Variants in TPCN1 observed in about 807,000 individuals in gnomAD.
TPCN1 encodes the protein two pore segment channel 1.
In TPCN1, 52 loss-of-function variants were observed where a neutral mutation model predicts 108.8. That is an observed-to-expected ratio of 0.48 (90% CI 0.38 to 0.60). TPCN1 has a LOEUF of 0.60. Among genes scored for constraint, TPCN1 ranks in the 20% least tolerant of loss-of-function variants. TPCN1 has a pLI of 0.00. For synonymous variants in TPCN1, 446 were observed against 433.7 expected, an observed-to-expected ratio of 1.03 and a Z score of -0.35; for missense variants, 806 against 1,072.8, an observed-to-expected ratio of 0.75 and a Z score of 3.47.
chr12:113,291,729 G>A, intron 24 of TPCN1, 52 bp downstream of exon 24: 1 of 1,593,484 alleles, frequency 6.3e-7, no homozygotes, highest in Non-Finnish European at 8.6e-7. Context: ...CACATCACCA[G>A]CTGCCCCTGC....
In TPCN1 at chr12:113,288,519, C is replaced by A; in HGVS notation, c.1707-239C>A. 1 of 1,494,124 alleles carries A rather than the reference C, an allele frequency of 6.7e-7. No homozygotes were observed. The highest frequency in any genetic ancestry group is 2.2e-5 in the Admixed American group (1 of 45,568). The allele number at this position is 1,494,124 out of a possible 1,614,324, so 92.6% of individuals were successfully genotyped here. ...GGTAAGGGGTCACCTGTGAGTCTAC[C>A]TTCACAGGTAAGGGGTGAATCTCTG... On this transcript the variant is annotated intron_variant, in intron 20 of 27. Transcript: ENST00000335509. This position sits in a 1 kb window ranked among gnomAD's most constrained non-coding sequence, Gnocchi z 4.8.
chr12:113,296,330 A>G lies in TPCN1; in HGVS notation c.*254A>G, dbSNP rs1233484129. 8.3e-6 allele frequency: 4 copies of G among 483,032 alleles called. No individual in the cohort carries two copies. The highest frequency in any genetic ancestry group is 1.5e-5 in the Non-Finnish European group (4 of 274,610). The allele number at this position is 483,032 out of a possible 1,614,324, so 29.9% of individuals were successfully genotyped here. A position where few individuals can be genotyped will look rare whatever the true frequency, so the allele number is the denominator to read the frequency against. ...CTCTTCCTACTGTGGAAGGCTCCAG[A>G]AGGCCCTTCACAAGGAGACCCCTCA... On this transcript the variant is annotated 3_prime_UTR_variant, in exon 28 of 28. Transcript: ENST00000335509.
chr12:113,259,312 T>C lies in TPCN1; in HGVS notation c.113-1056T>C, dbSNP rs138463478. On this transcript the variant is annotated intron_variant, in intron 2 of 27. Transcript: ENST00000335509. ...GATTCTTTATCTTCCTTCGGGTGGATCATTTACAATGCAGATTTACAGATT... is the reference window on the plus strand; with the variant it reads ...GATTCTTTATCTTCCTTCGGGTGGACCATTTACAATGCAGATTTACAGATT... 5.3e-3 allele frequency among the ~76,000 whole-genome samples: 802 copies of C among 152,318 alleles called. 9 individuals are homozygous for C. Among genetic ancestry groups the C allele is most frequent in the African/African-American group, 0.018 (757 of 41,582 alleles).
At chr12:113,245,414 G>A (rs1408043540) in intron 2 of TPCN1, among the ~76,000 whole-genome samples, 3 of 125,782 alleles carry the variant, frequency 2.4e-5, no homozygotes, top group South Asian at 4.8e-4. Context: ...TGGCTAACAC[G>A]GTGAAACCCC....
In TPCN1 at chr12:113,266,412, C is replaced by A; in HGVS notation, c.414+56C>A. The A allele has an allele frequency of 1.1e-5, 17 of 1,580,096 alleles. No homozygotes were observed. The highest frequency in any genetic ancestry group is 1.4e-5 in the Non-Finnish European group (16 of 1,166,526). On this transcript the variant is annotated intron_variant, in intron 4 of 27. Transcript: ENST00000335509. The surrounding 1 kb of genome is among the most constrained non-coding windows in gnomAD (Gnocchi z 4.2). The stretch of plus-strand genomic sequence containing the variant: ...TGGGAGCCACGGCTTTCAGGGCAAG[C>A]GATGGAACTCCAAAAAGGAACATTC...
At position 113,268,888 on chromosome 12, in the gene TPCN1, G is replaced by A. The variant is rs1404137578; in HGVS notation, c.659+16G>A. 13 of 1,613,290 alleles carry A rather than the reference G, an allele frequency of 8.1e-6. No individual in the cohort carries two copies. In the Admixed American group the frequency reaches 1.7e-4, roughly 21 times the overall value. On this transcript the variant is annotated intron_variant, in intron 6 of 27. Coordinates refer to ENST00000335509, the MANE Select transcript of TPCN1 (RefSeq NM_017901.6). This position sits in a 1 kb window ranked among gnomAD's most constrained non-coding sequence, Gnocchi z 7.3. ...GCGTCCGGCGGTAAGGCCCGGGTGGGGAGCTGGGCAGTCACTATCCTGGCA... is the reference window on the plus strand; with the variant it reads ...GCGTCCGGCGGTAAGGCCCGGGTGGAGAGCTGGGCAGTCACTATCCTGGCA...
chr12:113,291,491 C>G, intron 23 of TPCN1, 118 bp from the exon 24 acceptor site: 1 of 862,090 alleles, frequency 1.2e-6, no homozygotes, highest in Non-Finnish European at 1.8e-6. Context: ...CCATCTCTCA[C>G]AACCAGCCAC....
At chr12:113,245,474 G>A (rs1175249290) in intron 2 of TPCN1, among the ~76,000 whole-genome samples, 11 of 146,294 alleles carry the variant, frequency 7.5e-5, no homozygotes, top group African/African-American at 2.1e-4. Context: ...GGTAGCGGGC[G>A]CCTGTAGTCC....
At chr12:113,275,907 A>G (rs183532870) in intron 10 of TPCN1, among the ~76,000 whole-genome samples, 80 of 152,362 alleles carry the variant, frequency 5.3e-4, no homozygotes, top group African/African-American at 1.4e-3. Context: ...CTCAAAACCA[A>G]GAAGAAATAT....
chr12:113,225,153 C>T, intron 1 of TPCN1: 1 of 419,642 alleles, frequency 2.4e-6, no homozygotes, highest in South Asian at 1.7e-5. Flanking sequence ...CTCCTGGGAT[C>T]AAGTGTTTCC....
rs1955411639 is a variant in TPCN1, at chr12:113,269,586, G to T, written c.660-171G>T. The stretch of plus-strand genomic sequence containing the variant: ...CCCTAGTTCTTCCCTGCCATCCGCT[G>T]AGTGGGGGTCTCAAGCCACTTTAGG... On this transcript the variant is annotated intron_variant, in intron 6 of 27. Coordinates refer to ENST00000335509, the MANE Select transcript of TPCN1 (RefSeq NM_017901.6). The surrounding 1 kb of genome is among the most constrained non-coding windows in gnomAD (Gnocchi z 5.0). 6.6e-6 allele frequency among the ~76,000 whole-genome samples: 1 copy of T among 152,162 alleles called. No homozygotes were observed. Among genetic ancestry groups the T allele is most frequent in the Admixed American group, 6.5e-5 (1 of 15,270 alleles).
chr12:113,245,957 C>T (rs774189076), intron 2 of TPCN1: 3 of 456,074 alleles, frequency 6.6e-6, no homozygotes, highest in South Asian at 4.6e-5. Flanking sequence ...CCTTGGATTC[C>T]CTGCAGGGTC....
At position 113,273,507 on chromosome 12, in the gene TPCN1, T is replaced by C. The variant is rs1310578612; in HGVS notation, c.843-62T>C. The C allele has an allele frequency of 2.2e-6, 3 of 1,385,680 alleles. No homozygotes were observed. Among genetic ancestry groups the C allele is most frequent in the Non-Finnish European group, 3.1e-6 (3 of 972,260 alleles). The allele number at this position is 1,385,680 out of a possible 1,614,324, so 85.8% of individuals were successfully genotyped here. A position where few individuals can be genotyped will look rare whatever the true frequency, so the allele number is the denominator to read the frequency against. On this transcript the variant is annotated intron_variant, in intron 9 of 27. Transcript: ENST00000335509. This position sits in a 1 kb window ranked among gnomAD's most constrained non-coding sequence, Gnocchi z 4.0. ...ACAAGGAGCTGTCCTCTGCAAGGCA[T>C]GTGCTCTGAGAGGATGGAGACAGGC...
intron 3 of TPCN1, among the ~76,000 whole-genome samples, chr12:113,265,283 C>G (rs1399140205): frequency 1.3e-5 from 2 of 152,212 alleles, no homozygotes; most frequent in Non-Finnish European, 2.9e-5. Context: ...ATGTCCTCAC[C>G]TTTCCTCTTC....
Position 113,268,658 on chromosome 12 carries a change from T to G in TPCN1, c.529-84T>G. ...GGCCTCCCGAGGCCAGAGTGGGCAC[T>G]GCCTCTCCAGCCCCCCGTTCCAGGT... On this transcript the variant is annotated intron_variant, in intron 5 of 27. Coordinates refer to ENST00000335509, the MANE Select transcript of TPCN1 (RefSeq NM_017901.6). The surrounding 1 kb of genome is among the most constrained non-coding windows in gnomAD (Gnocchi z 7.3). 2 of 1,553,670 alleles carry G rather than the reference T, an allele frequency of 1.3e-6. No individual in the cohort carries two copies. The highest frequency in any genetic ancestry group is 1.7e-6 in the Non-Finnish European group (2 of 1,145,050).
At chr12:113,249,326 A>G (rs899496201) in intron 2 of TPCN1, 1 of 152,244 alleles carries the variant, frequency 6.6e-6, no homozygotes, top group African/African-American at 2.4e-5. Flanking sequence ...GGCGTACCGC[A>G]CGGCAGACAG....
chr12:113,279,513 C>G (rs1211696245), intron 14 of TPCN1, among the ~76,000 whole-genome samples: 1 of 147,844 alleles, frequency 6.8e-6, no homozygotes, highest in Non-Finnish European at 1.5e-5. Context: ...ATTCTCCTGC[C>G]TCAGCCTCCC....
At chr12:113,277,728 G>C (rs536075391) in intron 12 of TPCN1, among the ~76,000 whole-genome samples, 1 of 152,280 alleles carries the variant, frequency 6.6e-6, no homozygotes, top group Admixed American at 6.5e-5. Context: ...CGGCCGCAGA[G>C]AACTGACCCG....
rs1566201063 is a variant in TPCN1 at position 113,288,148 on chromosome 12, G to T, written c.1635-15G>T. 6.2e-7 allele frequency: 1 copy of T among 1,608,896 alleles called. No homozygotes were observed. Among genetic ancestry groups the T allele is most frequent in the Non-Finnish European group, 8.5e-7 (1 of 1,176,630 alleles). On this transcript the variant is annotated splice_polypyrimidine_tract_variant and intron_variant, in intron 19 of 27. Coordinates refer to ENST00000335509, the MANE Select transcript of TPCN1 (RefSeq NM_017901.6). This position sits in a 1 kb window ranked among gnomAD's most constrained non-coding sequence, Gnocchi z 4.8. ...GCACCTGTGTGTGGAGGTGACGGGT[G>T]TCCTCCTCGCTCAGGTTGTTTAAGT... is the stretch of plus-strand genomic sequence containing the variant.
Sources: allele counts gnomAD v4.1 joint callset (sites outside exome capture counted in the v4.1 genomes callset), GRCh38; gene constraint gnomAD v4.1.1; non-coding constraint Gnocchi (gnomAD v3.1); transcripts MANE v1.5; gene names NCBI Gene and HGNC (gene_info 2026-07-23, HGNC 2026-07-21).